MYO16: variants seen among roughly 807,000 people sequenced by gnomAD.
MYO16 encodes myosin XVI, also known as unconventional myosin-XVI.
Under a neutral mutation model 205.3 loss-of-function variants are expected in MYO16, and 94 were observed. The ratio of observed to expected loss-of-function variants is 0.46; its 90% CI spans 0.39 to 0.54. The LOEUF (loss-of-function observed/expected upper bound fraction) is 0.54. Ranked by LOEUF, MYO16 falls within the 20% of genes least tolerant of loss-of-function variation. The probability of loss-of-function intolerance (pLI) is 0.00; values close to 1 mark genes in which losing one functional copy is unlikely to be tolerated. For synonymous variants in MYO16, 988 were observed against 954.0 expected, an observed-to-expected ratio of 1.04 and a Z score of -0.66; for missense variants, 2,315 against 2,387.5, an observed-to-expected ratio of 0.97 and a Z score of 0.63.
At chr13:108,717,938 TA>T (rs1884012729) in intron 3 of MYO16, among the ~76,000 whole-genome samples, 1 of 152,316 alleles carries the variant, frequency 6.6e-6, no homozygotes, top group African/African-American at 2.4e-5. Flanking sequence ...CATATAAAAT[TA>T]GTTAAGACTG....
intron 24 of MYO16, 24 bp downstream of exon 24, chr13:109,047,015 C>T (rs1286140170): frequency 6.6e-7 from 1 of 1,514,022 alleles, no homozygotes; most frequent in Admixed American, 1.7e-5. Context: ...TTTTCCTGCC[C>T]TACACTGGTT....
chr13:108,766,765 CT>C (rs1885790001), intron 4 of MYO16, among the ~76,000 whole-genome samples: 1 of 152,108 alleles, frequency 6.6e-6, no homozygotes, highest in Non-Finnish European at 1.5e-5. Flanking sequence ...GTTTGCTTGT[CT>C]TTTTATGAAA....
the MYO16 span, among the ~76,000 whole-genome samples, chr13:108,589,251 C>A: frequency 6.6e-6 from 1 of 152,122 alleles, no homozygotes; most frequent in South Asian, 2.1e-4. Flanking sequence ...CTTCTTTATC[C>A]TTACCTTTTC....
At position 108,748,525 on chromosome 13, in the gene MYO16, G is replaced by GA. The variant is rs569937429; in HGVS notation, c.507+20948dup. Among the ~76,000 whole-genome samples, 42 of 151,842 alleles carry GA rather than the reference G, an allele frequency of 2.8e-4. 1 individual carries two copies. The South Asian group carries it at 8.8e-3, about 32-fold the overall frequency. ...TGGAGCATAAATAAACTAAAAATAG[G>GA]AAAAAATAAAGACATTAAATCAATG... On this transcript the variant is annotated intron_variant, in intron 4 of 34. Transcript: ENST00000457511.
rs1379758230 is a variant in MYO16, at chr13:109,207,006, TTG to T, written c.*185_*186del. ...AGATCCCGTGTGTGTGTGTGTGTGT[TTG>T]TGTGTGTGTGTGTGGGTTCTTTCTT... On this transcript the variant is annotated 3_prime_UTR_variant, in exon 35 of 35. Coordinates refer to ENST00000457511, the MANE Select transcript of MYO16 (RefSeq NM_001198950.3). The T allele has an allele frequency of 5.2e-3, 1,421 of 271,660 alleles. No homozygotes were observed. Among genetic ancestry groups the T allele is most frequent in the Middle Eastern group, 0.011 (10 of 920 alleles). The allele number at this position is 271,660 out of a possible 1,614,324, so 16.8% of individuals were successfully genotyped here. A position where few individuals can be genotyped will look rare whatever the true frequency, so the allele number is the denominator to read the frequency against.
chr13:108,902,197 C>T (rs1880745020), intron 15 of MYO16, among the ~76,000 whole-genome samples: 1 of 152,168 alleles, frequency 6.6e-6, no homozygotes, highest in Non-Finnish European at 1.5e-5. Context: ...CAGAAGCTGC[C>T]ATGGAACATC....
rs537733919 is a variant in MYO16 at position 108,739,749 on chromosome 13, T to C, written c.507+12166T>C. On this transcript the variant is annotated intron_variant, in intron 4 of 34. Transcript: ENST00000457511. ...AGGGTGTTTTCCAACTTGGTTCCAT[T>C]CTCCCCATCACTTTCAGGTACACCA... Among the ~76,000 whole-genome samples, 6 of 152,322 alleles carry C rather than the reference T, an allele frequency of 3.9e-5. No individual in the cohort carries two copies. In the East Asian group the frequency reaches 1.2e-3, roughly 29 times the overall value.
chr13:108,907,350 G>A lies in MYO16; in HGVS notation c.1778-2653G>A, dbSNP rs188504793. On this transcript the variant is annotated intron_variant, in intron 15 of 34. Transcript: ENST00000457511. Reference sequence around the variant, plus strand: ...TATGGACACTTGTAGAGAATTATAAGCATGTTTCTAGTCAAAAGTATTTCT... The same window carrying A: ...TATGGACACTTGTAGAGAATTATAAACATGTTTCTAGTCAAAAGTATTTCT... Among the ~76,000 whole-genome samples the A allele has an allele frequency of 6.1e-3, 935 of 152,250 alleles. 4 individuals are homozygous for A. The highest frequency in any genetic ancestry group is 0.01 in the Non-Finnish European group (710 of 68,016).
At chr13:108,934,615 T>A (rs1363889216) in intron 16 of MYO16, among the ~76,000 whole-genome samples, 1 of 152,138 alleles carries the variant, frequency 6.6e-6, no homozygotes, top group African/African-American at 2.4e-5. Flanking sequence ...CTCTCTCACT[T>A]GTCAATTTTT....
intron 6 of MYO16, among the ~76,000 whole-genome samples, chr13:108,798,443 A>G (rs1237137350): frequency 1.3e-5 from 2 of 152,132 alleles, no homozygotes; most frequent in Non-Finnish European, 2.9e-5. Context: ...TAAATATAAC[A>G]TATCTCTTTT....
chr13:108,648,700 C>A (rs1481328167), intron 1 of MYO16, among the ~76,000 whole-genome samples: 1 of 151,966 alleles, frequency 6.6e-6, no homozygotes, highest in Admixed American at 6.6e-5. Flanking sequence ...ACAAAGAAAT[C>A]GATCTTTATG....
chr13:108,670,806 T>C (rs16972897), intron 2 of MYO16, among the ~76,000 whole-genome samples: 4,546 of 152,236 alleles, frequency 0.03, 258 homozygotes, highest in East Asian at 0.15. Flanking sequence ...TCCCAGAAAT[T>C]ATTTCACATG....
At chr13:108,587,490 A>G in the MYO16 span, among the ~76,000 whole-genome samples, 45 of 152,308 alleles carry the variant, frequency 3.0e-4, no homozygotes, top group African/African-American at 9.9e-4. Context: ...CTACCAAACA[A>G]TGTTATGTCA....
chr13:108,901,992 A>T (rs545973065), intron 15 of MYO16, among the ~76,000 whole-genome samples: 2 of 152,224 alleles, frequency 1.3e-5, no homozygotes, highest in Non-Finnish European at 2.9e-5. Context: ...GAAAGTTCCA[A>T]TGTCATGTTT....
At chr13:109,111,711 G>A (rs1257622922) in intron 28 of MYO16, among the ~76,000 whole-genome samples, 1 of 149,758 alleles carries the variant, frequency 6.7e-6, no homozygotes, top group Non-Finnish European at 1.5e-5. Flanking sequence ...TTTTGAGACG[G>A]AGTCTTGCTC....
intron 20 of MYO16, among the ~76,000 whole-genome samples, chr13:108,976,324 G>A (rs1884254737): frequency 6.6e-6 from 1 of 152,030 alleles, no homozygotes; most frequent in African/African-American, 2.4e-5. Context: ...ATTTGGAAAA[G>A]GACAGGAGAT....
intron 6 of MYO16, among the ~76,000 whole-genome samples, chr13:108,798,282 G>C (rs1030734021): frequency 5.3e-5 from 8 of 152,064 alleles, no homozygotes; most frequent in African/African-American, 1.9e-4. Context: ...TGCCAGTTGT[G>C]GTTCAAAATT....
chr13:108,747,474 G>A (rs1487170415), intron 4 of MYO16, among the ~76,000 whole-genome samples: 1 of 152,070 alleles, frequency 6.6e-6, no homozygotes, highest in East Asian at 1.9e-4. Context: ...GGTAGATTTG[G>A]ATTAGTTAAA....
chr13:108,969,629 T>A (rs1883933354), intron 20 of MYO16, among the ~76,000 whole-genome samples: 1 of 152,202 alleles, frequency 6.6e-6, no homozygotes, highest in Non-Finnish European at 1.5e-5. Context: ...AAAGCCATGC[T>A]CTGCTCATTC....
Sources: gnomAD v4.1 joint callset for allele counts (sites outside exome capture counted in the v4.1 genomes callset) on GRCh38, gnomAD v4.1.1 for gene constraint, MANE v1.5 for transcripts, NCBI Gene and HGNC (gene_info 2026-07-23, HGNC 2026-07-21) for gene names.